SPOP: variants seen among roughly 807,000 people sequenced by gnomAD.
SPOP encodes the protein speckle type BTB/POZ protein.
In SPOP, 11 loss-of-function variants were observed where a neutral mutation model predicts 45.6. That is an observed-to-expected ratio of 0.24 (90% CI 0.15 to 0.40). The LOEUF (loss-of-function observed/expected upper bound fraction) is 0.40, where lower values mean the gene tolerates loss of function less well. Ranked by LOEUF, SPOP falls within the 10% of genes least tolerant of loss-of-function variation. The pLI is 1.00. For missense variants in SPOP, 152 were observed against 465.6 expected, an observed-to-expected ratio of 0.33 and a Z score of 6.20; for synonymous variants, 166 against 166.3, an observed-to-expected ratio of 1.00 and a Z score of 0.01.
intron 3 of SPOP, among the ~76,000 whole-genome samples, chr17:49,621,424 T>A (rs941057805): frequency 1.1e-4 from 17 of 152,178 alleles, no homozygotes; most frequent in African/African-American, 4.1e-4. Context: ...TTCAAACCCA[T>A]CCTATACCCT....
chr17:49,662,655 C>A (rs995726987), intron 1 of SPOP, among the ~76,000 whole-genome samples: 1 of 151,714 alleles, frequency 6.6e-6, no homozygotes, highest in South Asian at 2.1e-4. Flanking sequence ...CCACTGCACT[C>A]CAGCCTGGGC....
intron 1 of SPOP, among the ~76,000 whole-genome samples, chr17:49,655,287 G>A (rs1408182115): frequency 6.6e-6 from 1 of 152,150 alleles, no homozygotes; most frequent in Non-Finnish European, 1.5e-5. Context: ...CAAGACGGGT[G>A]TATCACGAGG....
chr17:49,609,778 A>G (rs1398174350), intron 6 of SPOP, among the ~76,000 whole-genome samples: 1 of 151,990 alleles, frequency 6.6e-6, no homozygotes, highest in Non-Finnish European at 1.5e-5. Context: ...GAGAGAGAGA[A>G]TAACTAGAGG....
chr17:49,607,853 T>A, intron 7 of SPOP, 21 bp downstream of exon 7: 1 of 1,606,376 alleles, frequency 6.2e-7, no homozygotes, highest in Non-Finnish European at 8.5e-7. Flanking sequence ...TAAACAGACA[T>A]GTCTTCATCT....
chr17:49,622,891 G>A lies in SPOP; in HGVS notation c.-66-15C>T. ...CCCTCTTCACCCTGGTCAGATCCAAGAAGCAAGAAAACTTTATTAGATTAT... is the reference window on the plus strand; with the variant it reads ...CCCTCTTCACCCTGGTCAGATCCAAAAAGCAAGAAAACTTTATTAGATTAT... On this transcript the variant is annotated splice_polypyrimidine_tract_variant and intron_variant, in intron 1 of 9. Coordinates refer to ENST00000504102, the MANE Select transcript of SPOP (RefSeq NM_001007228.2). 2 of 1,163,446 alleles carry A rather than the reference G, an allele frequency of 1.7e-6. No homozygotes were observed. Among genetic ancestry groups the A allele is most frequent in the East Asian group, 4.7e-5 (2 of 42,534 alleles). The allele number at this position is 1,163,446 out of a possible 1,614,324, so 72.1% of individuals were successfully genotyped here.
intron 1 of SPOP, among the ~76,000 whole-genome samples, chr17:49,652,014 C>CAA (rs1002382455): frequency 2.9e-5 from 4 of 136,696 alleles, no homozygotes; most frequent in Non-Finnish European, 4.8e-5. Context: ...GTGACATTCT[C>CAA]AAAAAAAAAA....
chr17:49,601,727 G>A (rs2143108513), intron 9 of SPOP, 138 bp downstream of exon 9: 1 of 1,117,518 alleles, frequency 8.9e-7, no homozygotes. Flanking sequence ...TCAACTGAAG[G>A]AAAAGATGAA....
Position 49,620,845 on chromosome 17 carries a change from T to C in SPOP, c.200+1101A>G, listed in dbSNP as rs1178253032. On this transcript the variant is annotated intron_variant, in intron 3 of 9. Coordinates refer to ENST00000504102, the MANE Select transcript of SPOP (RefSeq NM_001007228.2). ...CACCTCTCTCAAACAGGTGGCCCAA[T>C]CCAGTGTCTCTCTAGGGAGTGCATA... 3.3e-5 allele frequency among the ~76,000 whole-genome samples: 5 copies of C among 152,192 alleles called. No individual in the cohort carries two copies. In the East Asian group the frequency reaches 9.6e-4, roughly 29 times the overall value.
chr17:49,616,369 C>T (rs1009456389), intron 5 of SPOP, among the ~76,000 whole-genome samples: 2 of 152,058 alleles, frequency 1.3e-5, no homozygotes, highest in Non-Finnish European at 2.9e-5. Flanking sequence ...GGCTGAGTGA[C>T]GAATGGGGCA....
intron 1 of SPOP, among the ~76,000 whole-genome samples, chr17:49,658,507 C>G (rs1447113346): frequency 6.6e-6 from 1 of 152,166 alleles, no homozygotes; most frequent in Admixed American, 6.5e-5. Flanking sequence ...TAATTCCTAA[C>G]AATATGTCAA....
chr17:49,657,283 T>C (rs2072925918), intron 1 of SPOP, among the ~76,000 whole-genome samples: 1 of 152,090 alleles, frequency 6.6e-6, no homozygotes, highest in Admixed American at 6.6e-5. Flanking sequence ...TACAAGAATA[T>C]TTAAGGAATA....
chr17:49,606,966 T>G (rs1490191262), intron 8 of SPOP: 1 of 340,958 alleles, frequency 2.9e-6, no homozygotes, highest in South Asian at 5.8e-5. Flanking sequence ...ACTATCACTG[T>G]GGTTAAATTT....
chr17:49,631,256 G>T (rs1227733112), intron 1 of SPOP, among the ~76,000 whole-genome samples: 1 of 152,156 alleles, frequency 6.6e-6, no homozygotes, highest in Admixed American at 6.5e-5. Flanking sequence ...AATAAACTAT[G>T]ATACAGATAA....
At chr17:49,676,973 T>C (rs1470935596) in intron 1 of SPOP, among the ~76,000 whole-genome samples, 1 of 152,212 alleles carries the variant, frequency 6.6e-6, no homozygotes, top group Non-Finnish European at 1.5e-5. Flanking sequence ...TGTTTTCATG[T>C]TACAGAGCAC....
chr17:49,635,617 CT>C, intron 1 of SPOP, among the ~76,000 whole-genome samples: 1 of 144,300 alleles, frequency 6.9e-6, no homozygotes, highest in East Asian at 2.0e-4. Flanking sequence ...CTACAAATTT[CT>C]TTAAGGTATC....
chr17:49,647,116 CCT>C (rs2072770669), intron 1 of SPOP, among the ~76,000 whole-genome samples: 1 of 151,484 alleles, frequency 6.6e-6, no homozygotes, highest in Admixed American at 6.6e-5. Flanking sequence ...ATGGTAGAAC[CCT>C]GTCTCTATTA....
At chr17:49,606,003 TAAAC>T (rs1188369380) in intron 8 of SPOP, among the ~76,000 whole-genome samples, 5 of 150,398 alleles carry the variant, frequency 3.3e-5, no homozygotes, top group South Asian at 2.1e-4. Flanking sequence ...AAAAAAAAAA[TAAAC>T]AAACAAATAA....
intron 6 of SPOP, among the ~76,000 whole-genome samples, chr17:49,610,897 A>G (rs1317523961): frequency 1.3e-5 from 2 of 152,182 alleles, no homozygotes; most frequent in Non-Finnish European, 2.9e-5. Context: ...AGGGCTGAGG[A>G]CTAGCTAGAT....
intron 1 of SPOP, among the ~76,000 whole-genome samples, chr17:49,651,279 C>T (rs558731847): frequency 4.1e-4 from 63 of 152,282 alleles, no homozygotes; most frequent in African/African-American, 1.5e-3. Context: ...TTATCAGAAA[C>T]GATACTAGAA....
Sources: allele counts gnomAD v4.1 joint callset (sites outside exome capture counted in the v4.1 genomes callset), GRCh38; gene constraint gnomAD v4.1.1; transcripts MANE v1.5; gene names NCBI Gene and HGNC (gene_info 2026-07-23, HGNC 2026-07-21).